The following IRAK1 variants were observed in gnomAD, a reference collection of about 807,000 sequenced individuals.
The protein encoded by IRAK1 is interleukin 1 receptor associated kinase 1, also known as interleukin-1 receptor-associated kinase 1.
IRAK1 carries 9 observed loss-of-function variants against 49.8 expected under a neutral mutation model. The ratio of observed to expected loss-of-function variants is 0.18; its 90% CI spans 0.11 to 0.32. IRAK1 has a LOEUF of 0.32. IRAK1 is among the 10% of genes least tolerant of loss of function. The pLI is 1.00. For missense variants in IRAK1, 418 were observed against 600.5 expected (o/e 0.70, Z 3.18); for synonymous variants, 282 against 270.8 (o/e 1.04, Z -0.41).
rs1337620861 is a variant in IRAK1 at position 154,012,480 on chromosome X, T to A, written c.2080+49A>T. 3 of 1,166,169 alleles carry A rather than the reference T, an allele frequency of 2.6e-6. No homozygotes were observed. In the East Asian group the frequency reaches 9.0e-5, roughly 35 times the overall value. ...GGACAGACACTCTGCTCTTTGGGGC[T>A]GACACGGATGCGCCTGAGCACCCCA... On this transcript the variant is annotated intron_variant, in intron 13 of 13. Transcript: ENST00000369980.
chrX:154,012,435 C>T (rs2065705778), intron 13 of IRAK1, 94 bp downstream of exon 13: 3 of 1,033,132 alleles, frequency 2.9e-6, no homozygotes, highest in Admixed American at 5.8e-5. Context: ...CCCGGCTGCC[C>T]CACGCCCTCA....
chrX:154,012,750 C>A, intron 12 of IRAK1, 72 bp from the exon 13 acceptor site: 1 of 1,100,966 alleles, frequency 9.1e-7, no homozygotes, highest in Non-Finnish European at 1.2e-6. Flanking sequence ...CCCTGCCTCC[C>A]TGGCCTCAGG....
intron 10 of IRAK1, 21 bp downstream of exon 10, chrX:154,016,011 G>A (rs2065736387): frequency 2.5e-5 from 30 of 1,193,855 alleles, no homozygotes; most frequent in Non-Finnish European, 3.4e-5. Context: ...GTCCCTCCTG[G>A]CCCTGCCTCA....
intron 11 of IRAK1, 80 bp downstream of exon 11, chrX:154,013,962 T>C: frequency 6.4e-6 from 7 of 1,101,119 alleles, no homozygotes; most frequent in Non-Finnish European, 8.5e-6. Flanking sequence ...TAGCAGGTGC[T>C]GAGATGGGGT....
Position 154,016,056 on chromosome X carries a change from C to T in IRAK1, c.1278G>A (p.Thr426=). 5.0e-6 allele frequency: 6 copies of T among 1,210,105 alleles called. No homozygotes were observed. Among genetic ancestry groups the T allele is most frequent in the Non-Finnish European group, 6.7e-6 (6 of 894,022 alleles). The change falls in exon 10 of 14, where the codon ACG becomes ACA. Residue 426 remains threonine, a synonymous_variant. Transcript: ENST00000369980. ...CCAGATACTTGGTCCTGGCACCGTG[C>T]GTCTTCACAGCCCTCTGACCAGCCA... The part of the protein sequence containing the change: ...ETLAGQRAVK[T]HGARTKYLKD...
chrX:154,019,843 G>A lies in IRAK1; in HGVS notation c.-31C>T. The A allele has an allele frequency of 1.3e-6, 1 of 765,114 alleles. No homozygotes were observed. The highest frequency in any genetic ancestry group is 1.6e-6 in the Non-Finnish European group (1 of 641,589). 63.1% of individuals were successfully genotyped at this position (765,114 alleles called of 1,213,427 possible). The stretch of plus-strand genomic sequence containing the variant: ...CCGCCGCCGGGCCGGGACCTGCCGG[G>A]GCCTCTCAGGGCCGCGGCGGGCGCG... On this transcript the variant is annotated 5_prime_UTR_variant, in exon 1 of 14. Coordinates refer to ENST00000369980, the MANE Select transcript of IRAK1 (RefSeq NM_001569.4).
chrX:154,014,368 T>G, intron 10 of IRAK1, 90 bp from the exon 11 acceptor site: 1 of 669,259 alleles, frequency 1.5e-6, no homozygotes, highest in Non-Finnish European at 2.1e-6. Context: ...GTATGGGTTT[T>G]GATAAAAAAA....
intron 9 of IRAK1, 94 bp downstream of exon 9, chrX:154,016,343 G>A: frequency 6.7e-6 from 6 of 899,390 alleles, no homozygotes; most frequent in Non-Finnish European, 9.6e-6. Flanking sequence ...GGTCTTGGCA[G>A]ATGGCCCCTG....
chrX:154,013,087 G>C lies in IRAK1; in HGVS notation c.1886C>G (p.Ser629Trp), dbSNP rs782189918. The change falls in exon 12 of 14, where the codon TCG (serine) becomes TGG (tryptophan). Residue 629 changes from serine (S) to tryptophan (W), a missense_variant. By Grantham distance (177) the Ser-to-Trp change is radical. Transcript: ENST00000369980. ...GCPQGDTAGE[S>W]SWGSGPGSRP... ...GGATCCTGGGCCACTCCCCCAGCTC[G>C]ATTCTCCTGCCGTGTCCCCCTGAGG... 3 of 1,209,986 alleles carry C rather than the reference G, an allele frequency of 2.5e-6. No individual in the cohort carries two copies. The highest frequency in any genetic ancestry group is 3.4e-6 in the Non-Finnish European group (3 of 895,432).
At chrX:154,016,819 GC>G in intron 8 of IRAK1, 129 bp downstream of exon 8, 1 of 627,632 alleles carries the variant, frequency 1.6e-6, no homozygotes, top group Non-Finnish European at 2.6e-6. Flanking sequence ...CCCATCCTTG[GC>G]CCGTTCCCAC....
Position 154,016,194 on chromosome X carries a change from G to A in IRAK1, c.1237-97C>T, listed in dbSNP as rs2065737594. On this transcript the variant is annotated intron_variant, in intron 9 of 13. Transcript: ENST00000369980. ...TGGGCCTGACAAGGGTGTGGACAAA[G>A]GCAGAGCCAGATGTTATGGGACTGA... The A allele has an allele frequency of 2.9e-5, 22 of 763,268 alleles. No homozygotes were observed. In the South Asian group the frequency reaches 4.6e-4, roughly 16 times the overall value. 62.9% of individuals were successfully genotyped at this position (763,268 alleles called of 1,213,427 possible).
rs782001385 is a variant in IRAK1, at chrX:154,018,299, C to T, written c.786G>A (p.Gln262=). 3.4e-6 allele frequency: 4 copies of T among 1,163,391 alleles called. No homozygotes were observed. In the South Asian group the frequency reaches 5.7e-5, roughly 17 times the overall value. ...TCCCCCTCTGGCCTCACCTGGACAG[C>T]TGCTCCACCTCGGTCAGGAAGCTCT... ...VKQSFLTEVE[Q]LSRFRHPNIV... The change falls in exon 6 of 14, where the codon CAG becomes CAA. Residue 262 remains glutamine, a synonymous_variant. Transcript: ENST00000369980.
At chrX:154,014,709 A>G (rs1328880270) in intron 10 of IRAK1, among the ~76,000 whole-genome samples, 5 of 110,884 alleles carry the variant, frequency 4.5e-5, no homozygotes, top group African/African-American at 1.6e-4. Context: ...CTGGTCTCCA[A>G]CTCCCAGGCT....
Position 154,013,246 on chromosome X carries a change from T to C in IRAK1, c.1727A>G (p.Glu576Gly), listed in dbSNP as rs374672949. The part of the protein sequence containing the change: ...APSGASAQAA[E>G]QLQRGPNQPV... ...CTGGTTGGGGCCTCTCTGCAGCTGC[T>C]CTGCTGCCTGGGCACTGGCTCCTGA... Residue 576 changes from glutamate (E) to glycine (G), a missense_variant, in exon 12 of 14, where the codon GAG (glutamate) becomes GGG (glycine). Coordinates refer to ENST00000369980, the MANE Select transcript of IRAK1 (RefSeq NM_001569.4). The C allele has an allele frequency of 2.6e-5, 32 of 1,208,997 alleles. No individual in the cohort carries two copies. The highest frequency in any genetic ancestry group is 3.4e-6 in the Non-Finnish European group (3 of 894,657).
intron 10 of IRAK1, among the ~76,000 whole-genome samples, chrX:154,015,318 G>A (rs1231166859): frequency 8.9e-6 from 1 of 112,208 alleles, no homozygotes; most frequent in Non-Finnish European, 1.9e-5. Context: ...TCTTCAGCAG[G>A]ATGCATGGAT....
rs1159493687 is a variant in IRAK1, at chrX:154,010,817, G to A, written c.*1042C>T. On this transcript the variant is annotated 3_prime_UTR_variant, in exon 14 of 14. Coordinates refer to ENST00000369980, the MANE Select transcript of IRAK1 (RefSeq NM_001569.4). ...GGTCTTGGGCCTAGCTAGACCTTGGGTAGTGGCCCCTCTGCCACAATCAGT... is the reference window on the plus strand; with the variant it reads ...GGTCTTGGGCCTAGCTAGACCTTGGATAGTGGCCCCTCTGCCACAATCAGT... 1 of 276,875 alleles carries A rather than the reference G, an allele frequency of 3.6e-6. No homozygotes were observed. The highest frequency in any genetic ancestry group is 7.0e-6 in the Non-Finnish European group (1 of 143,496). The allele number at this position is 276,875 out of a possible 1,213,427, so 22.8% of individuals were successfully genotyped here.
Position 154,013,306 on chromosome X carries a change from C to T in IRAK1, c.1667G>A (p.Ser556Asn), listed in dbSNP as rs1296881531. ...CAGGGGCTGCCATGGAGCAGCCCCA[C>T]TGTGGGCTCTGCCAGTGCTGGACAC... ...SYVSSTGRAH[S>N]GAAPWQPLAA... Residue 556 changes from serine to asparagine, a missense_variant, in exon 12 of 14, where the codon AGT becomes AAT. Transcript: ENST00000369980. 2 of 1,208,777 alleles carry T rather than the reference C, an allele frequency of 1.7e-6. No homozygotes were observed. Among genetic ancestry groups the T allele is most frequent in the Non-Finnish European group, 1.1e-6 (1 of 894,649 alleles).
In IRAK1 at chrX:154,019,068, G is replaced by A. The variant is rs2065762012; in HGVS notation, c.447C>T (p.Gly149=). The part of the protein sequence containing the change: ...ASTFLSPAFP[G]SQTHSGPELG... ...GCTCAGGCCCTGAATGGGTCTGGGA[G>A]CCTGGAAAAGCTTCATAAAGACACC... Residue 149 remains glycine (G), a synonymous_variant, in exon 4 of 14, where the codon GGC becomes GGT. Transcript: ENST00000369980. 4 of 1,209,295 alleles carry A rather than the reference G, an allele frequency of 3.3e-6. No individual in the cohort carries two copies. Among genetic ancestry groups the A allele is most frequent in the Non-Finnish European group, 4.5e-6 (4 of 893,246 alleles).
At chrX:154,012,051 T>C (rs1183338149) in intron 13 of IRAK1, 134 bp from the exon 14 acceptor site, 2 of 521,359 alleles carry the variant, frequency 3.8e-6, no homozygotes, top group Non-Finnish European at 6.3e-6. Context: ...TTTGTTTGTT[T>C]GTTCATTTGT....
Sources: gnomAD v4.1 joint callset for allele counts (sites outside exome capture counted in the v4.1 genomes callset) on GRCh38, gnomAD v4.1.1 for gene constraint, MANE v1.5 for transcripts, NCBI Gene and HGNC (gene_info 2026-07-23, HGNC 2026-07-21) for gene names.